Variants in TCF20 observed in about 807,000 individuals in gnomAD.
The protein encoded by TCF20 is SPRE-binding protein.
TCF20 carries 3 observed loss-of-function variants against 148.6 expected under a neutral mutation model. That is an observed-to-expected ratio of 0.02 (90% CI 0.01 to 0.05). The LOEUF (loss-of-function observed/expected upper bound fraction) is 0.05, where lower values mean the gene tolerates loss of function less well. TCF20 is among the 10% of genes least tolerant of loss of function. The probability of loss-of-function intolerance (pLI) is 1.00; values close to 1 mark genes in which losing one functional copy is unlikely to be tolerated. For missense variants in TCF20, 2,350 were observed against 2,429.3 expected, an observed-to-expected ratio of 0.97 and a Z score of 0.69; for synonymous variants, 1,049 against 909.5, an observed-to-expected ratio of 1.15 and a Z score of -2.76.
rs377143209 is a variant in TCF20, at chr22:42,212,481, A to G, written c.2825T>C (p.Phe942Ser). ...GTGGTCTCCAGATTTCTTGTTGTTG[A>G]AACTAGCTTGAGATTTAGACTGTTC... ...DFEQSKSQASFNNKKSGDHCH... is the reference protein window; with the variant it reads ...DFEQSKSQASSNNKKSGDHCH... The change falls in exon 2 of 6, where the codon TTC becomes TCC. Residue 942 changes from phenylalanine (F) to serine (S), a missense_variant. Transcript: ENST00000677622. 4 of 1,614,166 alleles carry G rather than the reference A, an allele frequency of 2.5e-6. No homozygotes were observed. The highest frequency in any genetic ancestry group is 3.4e-6 in the Non-Finnish European group (4 of 1,180,034).
In TCF20 at chr22:42,259,965, T is replaced by A. The variant is rs574321823; in HGVS notation, c.-37+10374A>T. Among the ~76,000 whole-genome samples, 11 of 152,260 alleles carry A rather than the reference T, an allele frequency of 7.2e-5. No homozygotes were observed. In the East Asian group the frequency reaches 1.3e-3, roughly 19 times the overall value. Reference sequence around the variant, plus strand: ...TTGTCTCTATTTTTTAAAAATAAATTAATTAATTTAAAAATGTTTTAAAGA... The same window carrying A: ...TTGTCTCTATTTTTTAAAAATAAATAAATTAATTTAAAAATGTTTTAAAGA... On this transcript the variant is annotated intron_variant, in intron 1 of 5. Transcript: ENST00000677622.
chr22:42,165,214 T>C (rs966255376), intron 5 of TCF20, among the ~76,000 whole-genome samples: 6 of 152,226 alleles, frequency 3.9e-5, no homozygotes, highest in African/African-American at 1.4e-4. Context: ...GAATGTGACA[T>C]TCATGCATAC....
chr22:42,206,942 G>A (rs1020744172), intron 2 of TCF20, among the ~76,000 whole-genome samples: 2 of 152,138 alleles, frequency 1.3e-5, no homozygotes, highest in Non-Finnish European at 2.9e-5. Context: ...ATGACACCAT[G>A]AGCAATGGGA....
intron 1 of TCF20, among the ~76,000 whole-genome samples, chr22:42,253,317 T>C (rs1450402322): frequency 6.6e-6 from 1 of 152,184 alleles, no homozygotes; most frequent in East Asian, 1.9e-4. Context: ...TGTCACTGGG[T>C]TCCAGAAAGA....
Position 42,188,950 on chromosome 22 carries a change from A to G in TCF20, c.5656-9248T>C, listed in dbSNP as rs1937190976. 2.0e-5 allele frequency among the ~76,000 whole-genome samples: 3 copies of G among 152,176 alleles called. No individual in the cohort carries two copies. In the South Asian group the frequency reaches 6.2e-4, roughly 32 times the overall value. On this transcript the variant is annotated intron_variant, in intron 2 of 5. Coordinates refer to ENST00000677622, the MANE Select transcript of TCF20 (RefSeq NM_001378418.1). ...CACCAACCTAGTTAAGGAAGTCAGG[A>G]AAGCATTCTTGAGGGAGTGTAGCTT...
intron 1 of TCF20, among the ~76,000 whole-genome samples, chr22:42,264,603 T>C (rs1285892071): frequency 1.3e-5 from 2 of 152,238 alleles, no homozygotes; most frequent in Non-Finnish European, 2.9e-5. Flanking sequence ...GTCATTTTCA[T>C]CCAGCCCACA....
chr22:42,330,040 G>C (rs1927945269), intron 1 of TCF20, among the ~76,000 whole-genome samples: 1 of 152,196 alleles, frequency 6.6e-6, no homozygotes, highest in Non-Finnish European at 1.5e-5. Context: ...CATCAGGCAA[G>C]AGCTTAAGGC....
intron 2 of TCF20, among the ~76,000 whole-genome samples, chr22:42,188,911 C>T (rs1385382214): frequency 6.6e-6 from 1 of 152,138 alleles, no homozygotes; most frequent in East Asian, 1.9e-4. Context: ...TACTTCAGAG[C>T]GCAGACTTAA....
chr22:42,214,373 C>T lies in TCF20; in HGVS notation c.933G>A (p.Gln311=). The T allele has an allele frequency of 6.2e-7, 1 of 1,613,932 alleles. No homozygotes were observed. The highest frequency in any genetic ancestry group is 8.5e-7 in the Non-Finnish European group (1 of 1,179,960). Residue 311 remains glutamine (Q), a synonymous_variant, in exon 2 of 6, where the codon CAG becomes CAA. Coordinates refer to ENST00000677622, the MANE Select transcript of TCF20 (RefSeq NM_001378418.1). ...GCTGCGGTTGCTGCTGCTGCTGCCC[C>T]TGTTGGGTCCCTTGTGGAATCTTTG... ...EQAKIPQGTQ[Q]GQQQQQPQQQ...
intron 1 of TCF20, among the ~76,000 whole-genome samples, chr22:42,251,492 CTTTTTTTT>C (rs71184878): frequency 1.1e-3 from 54 of 47,020 alleles, no homozygotes; most frequent in East Asian, 5.6e-3. Context: ...AAACAAGTGT[CTTTTTTTT>C]TTTTTTTTTT....
intron 3 of TCF20, among the ~76,000 whole-genome samples, chr22:42,170,655 A>AAAAAAAAAG (rs1936080280): frequency 7.0e-6 from 1 of 142,740 alleles, no homozygotes; most frequent in African/African-American, 2.5e-5. Flanking sequence ...AAAAAAAAAA[A>AAAAAAAAAG]GACTGAAAGG....
chr22:42,252,485 C>G (rs1424061477), intron 1 of TCF20, among the ~76,000 whole-genome samples: 1 of 152,034 alleles, frequency 6.6e-6, no homozygotes, highest in African/African-American at 2.4e-5. Flanking sequence ...CTGAGTCCAG[C>G]TCTGTCGCCA....
At chr22:42,233,396 T>G (rs900125188) in intron 1 of TCF20, among the ~76,000 whole-genome samples, 1 of 152,220 alleles carries the variant, frequency 6.6e-6, no homozygotes, top group Non-Finnish European at 1.5e-5. Flanking sequence ...ACTTCTACTG[T>G]TCTTAGCAAT....
intron 1 of TCF20, among the ~76,000 whole-genome samples, chr22:42,237,238 T>C (rs1018448154): frequency 2.0e-5 from 3 of 152,260 alleles, no homozygotes; most frequent in African/African-American, 7.2e-5. Context: ...AAATCTTTCA[T>C]TGGCATTTCA....
At chr22:42,188,253 A>G (rs1937141510) in intron 2 of TCF20, among the ~76,000 whole-genome samples, 1 of 126,458 alleles carries the variant, frequency 7.9e-6, no homozygotes, top group Non-Finnish European at 1.6e-5. Context: ...AGATCATGCC[A>G]TTGTACTCCA....
chr22:42,218,842 T>G (rs1313205353), intron 1 of TCF20, among the ~76,000 whole-genome samples: 1 of 151,750 alleles, frequency 6.6e-6, no homozygotes, highest in Non-Finnish European at 1.5e-5. Flanking sequence ...CCCTGCAGAT[T>G]CCCTGTCCTG....
At chr22:42,209,563 T>C (rs1170144862) in intron 2 of TCF20, 88 bp downstream of exon 2, 2 of 1,426,794 alleles carry the variant, frequency 1.4e-6, no homozygotes, top group African/African-American at 1.4e-5. Flanking sequence ...GGAGGAATAA[T>C]CATGTGACAT....
intron 1 of TCF20, among the ~76,000 whole-genome samples, chr22:42,261,092 T>C (rs1262660032): frequency 6.6e-6 from 1 of 152,228 alleles, no homozygotes; most frequent in Non-Finnish European, 1.5e-5. Flanking sequence ...GGAATGTCCA[T>C]TAAGTGGGAT....
At position 42,210,449 on chromosome 22, in the gene TCF20, C is replaced by T. The variant is rs1385989791; in HGVS notation, c.4857G>A (p.Gln1619=). The stretch of plus-strand genomic sequence containing the variant: ...TCTTGGCATCAGTTTTATCCAGTGG[C>T]TGGGTGGCATATTTTAGTTTGATCT... ...EPEIKLKYAT[Q]PLDKTDAKNK... Residue 1619 remains glutamine (Q), a synonymous_variant, in exon 2 of 6, where the codon CAG becomes CAA. Coordinates refer to ENST00000677622, the MANE Select transcript of TCF20 (RefSeq NM_001378418.1). The surrounding 1 kb of genome is among the most constrained non-coding windows in gnomAD (Gnocchi z 4.7). 3 of 1,614,114 alleles carry T rather than the reference C, an allele frequency of 1.9e-6. No individual in the cohort carries two copies. In the African/African-American group the frequency reaches 4.0e-5, roughly 22 times the overall value.
Sources: allele counts gnomAD v4.1 joint callset (sites outside exome capture counted in the v4.1 genomes callset), GRCh38; gene constraint gnomAD v4.1.1; non-coding constraint Gnocchi (gnomAD v3.1); transcripts MANE v1.5; gene names NCBI Gene and HGNC (gene_info 2026-07-23, HGNC 2026-07-21).